The following FRMD4A variants were observed in gnomAD, a reference collection of about 807,000 sequenced individuals.
FRMD4A encodes FERM domain-containing protein 4A.
In FRMD4A, 29 loss-of-function variants were observed where a neutral mutation model predicts 129.1. That is an observed-to-expected ratio of 0.22 (90% CI 0.17 to 0.31). FRMD4A has a LOEUF of 0.31. Among genes scored for constraint, FRMD4A ranks in the 10% least tolerant of loss-of-function variants. FRMD4A has a pLI of 1.00. For synonymous variants in FRMD4A, 634 were observed against 571.6 expected, an observed-to-expected ratio of 1.11 and a Z score of -1.56; for missense variants, 1,272 against 1,375.8, an observed-to-expected ratio of 0.92 and a Z score of 1.19.
intron 3 of FRMD4A, among the ~76,000 whole-genome samples, chr10:13,813,763 G>C (rs776513021): frequency 6.6e-6 from 1 of 152,218 alleles, no homozygotes; most frequent in Non-Finnish European, 1.5e-5. Flanking sequence ...CGCTGCCAGA[G>C]CGTATTGTAC....
chr10:14,279,051 T>G (rs953975697), intron 2 of FRMD4A, among the ~76,000 whole-genome samples: 16 of 152,172 alleles, frequency 1.1e-4, no homozygotes, highest in Admixed American at 6.5e-5. Context: ...TTTCAGGGAA[T>G]GTTGAGCACC....
chr10:13,928,936 T>C (rs537491587), intron 2 of FRMD4A, among the ~76,000 whole-genome samples: 1 of 152,352 alleles, frequency 6.6e-6, no homozygotes, highest in South Asian at 2.1e-4. Context: ...AATTCTCAGT[T>C]TAATAAGGCC....
rs987593408 is a variant in FRMD4A, at chr10:13,678,243, GCTAATGCTGGTTGGCACCA to G, written c.1118-3218_1118-3200del. ...GGCTCAAGAGCCCCTCTCTGTATCC[GCTAATGCTGGTTGGCACCA>G]CTAATGCTGGTTGGCTCCGTTTCAT... is the stretch of plus-strand genomic sequence containing the variant. On this transcript the variant is annotated intron_variant, in intron 15 of 24. Transcript: ENST00000357447. Among the ~76,000 whole-genome samples the G allele has an allele frequency of 7.2e-5, 11 of 152,160 alleles. 1 individual carries two copies. The East Asian group carries it at 7.7e-4, about 11-fold the overall frequency.
At chr10:14,325,614 G>A (rs1290980065) in intron 2 of FRMD4A, among the ~76,000 whole-genome samples, 2 of 152,212 alleles carry the variant, frequency 1.3e-5, no homozygotes, top group East Asian at 3.8e-4. Flanking sequence ...CTCTGAAGAC[G>A]TCCTGTAAAT....
intron 2 of FRMD4A, among the ~76,000 whole-genome samples, chr10:14,066,105 T>C (rs1835047912): frequency 6.6e-6 from 1 of 150,780 alleles, no homozygotes; most frequent in African/African-American, 2.4e-5. Context: ...AGTATATCCT[T>C]TGGACGTGAA....
intron 5 of FRMD4A, among the ~76,000 whole-genome samples, chr10:13,785,098 A>G (rs2092822436): frequency 6.6e-6 from 1 of 152,164 alleles, no homozygotes; most frequent in Admixed American, 6.5e-5. Context: ...CATCAAGCCC[A>G]TGGCCCACCA....
chr10:14,105,107 C>T (rs943715036), intron 2 of FRMD4A, among the ~76,000 whole-genome samples: 3 of 152,188 alleles, frequency 2.0e-5, no homozygotes, highest in African/African-American at 7.2e-5. Flanking sequence ...ACTTATTCAT[C>T]ACTGCATCTC....
intron 24 of FRMD4A, chr10:13,647,859 C>T (rs576057720): frequency 4.6e-5 from 7 of 151,078 alleles, no homozygotes; most frequent in East Asian, 3.9e-4. Context: ...GATCATGATT[C>T]GGAAAAACAG....
At chr10:14,254,259 C>T (rs1197790231) in intron 2 of FRMD4A, among the ~76,000 whole-genome samples, 1 of 152,218 alleles carries the variant, frequency 6.6e-6, no homozygotes, top group African/African-American at 2.4e-5. Context: ...CATCACTATA[C>T]ACCCTTAGGT....
intron 5 of FRMD4A, among the ~76,000 whole-genome samples, chr10:13,786,945 C>T (rs2092880358): frequency 6.6e-6 from 1 of 152,160 alleles, no homozygotes; most frequent in Non-Finnish European, 1.5e-5. Flanking sequence ...TCTTCCACCC[C>T]AATTTTCTCC....
chr10:13,805,472 A>T (rs2093343595), intron 4 of FRMD4A, among the ~76,000 whole-genome samples: 1 of 152,008 alleles, frequency 6.6e-6, no homozygotes, highest in Non-Finnish European at 1.5e-5. Context: ...ATCACAAAAG[A>T]TACTTATTTA....
chr10:14,247,384 T>G (rs1254919795), intron 2 of FRMD4A, among the ~76,000 whole-genome samples: 1 of 152,178 alleles, frequency 6.6e-6, no homozygotes, highest in Non-Finnish European at 1.5e-5. Context: ...CCCAGAACAA[T>G]GGCAAATTGA....
chr10:14,277,133 A>T (rs181741632), intron 2 of FRMD4A, among the ~76,000 whole-genome samples: 89 of 152,244 alleles, frequency 5.8e-4, no homozygotes, highest in African/African-American at 2.1e-3. Context: ...AACTGCTGGG[A>T]TTATAGGCGT....
At chr10:13,765,101 A>ATTTTTTTTTTTTTTTTTTT (rs10708906) in intron 6 of FRMD4A, among the ~76,000 whole-genome samples, 3 of 125,276 alleles carry the variant, frequency 2.4e-5, no homozygotes. Flanking sequence ...TCAAGGATTG[A>ATTTTTTTTTTTTTTTTTTT]TTTTTTTTTT....
intron 2 of FRMD4A, among the ~76,000 whole-genome samples, chr10:13,892,430 G>A (rs1301475894): frequency 6.6e-6 from 1 of 152,126 alleles, no homozygotes; most frequent in African/African-American, 2.4e-5. Flanking sequence ...CTTCCATTGC[G>A]AGAGACCCGG....
intron 2 of FRMD4A, among the ~76,000 whole-genome samples, chr10:14,199,282 TTTTATTTATTTA>T (rs3034001): frequency 0.014 from 1,810 of 131,030 alleles, 35 homozygotes; most frequent in African/African-American, 0.042. Context: ...AAGTGTCTTA[TTTTATTTATTTA>T]TTTATTTATT....
intron 2 of FRMD4A, among the ~76,000 whole-genome samples, chr10:14,216,619 G>T (rs1843083840): frequency 6.6e-6 from 1 of 152,168 alleles, no homozygotes; most frequent in African/African-American, 2.4e-5. Flanking sequence ...AAAAGAGGAT[G>T]CAAATTGCCA....
At chr10:13,753,541 ATTTT>A (rs35813128) in intron 8 of FRMD4A, among the ~76,000 whole-genome samples, 6 of 115,300 alleles carry the variant, frequency 5.2e-5, no homozygotes, top group Admixed American at 1.0e-4. Context: ...GTACCTTTCT[ATTTT>A]TTTTTTTTTT....
At chr10:14,166,900 C>T (rs1243225909) in intron 2 of FRMD4A, among the ~76,000 whole-genome samples, 1 of 152,176 alleles carries the variant, frequency 6.6e-6, no homozygotes, top group East Asian at 1.9e-4. Context: ...TGTTCATTTA[C>T]TCAGTCAATA....
Sources: allele counts gnomAD v4.1 joint callset (sites outside exome capture counted in the v4.1 genomes callset), GRCh38; gene constraint gnomAD v4.1.1; transcripts MANE v1.5; gene names NCBI Gene and HGNC (gene_info 2026-07-23, HGNC 2026-07-21).